Variants in CELF2 observed in about 807,000 individuals in gnomAD.
CELF2 encodes the protein CUGBP Elav-like family member 2, also known as CUG triplet repeat RNA-binding protein 2.
In CELF2, 8 loss-of-function variants were observed where a neutral mutation model predicts 62.6. That is an observed-to-expected ratio of 0.13 (90% CI 0.07 to 0.23). CELF2 has a LOEUF of 0.23. Ranked by LOEUF, CELF2 falls within the 10% of genes least tolerant of loss-of-function variation. The probability of loss-of-function intolerance (pLI) is 1.00; values close to 1 mark genes in which losing one functional copy is unlikely to be tolerated. For missense variants in CELF2, 333 were observed against 671.0 expected, an observed-to-expected ratio of 0.50 and a Z score of 5.56; for synonymous variants, 258 against 250.0, an observed-to-expected ratio of 1.03 and a Z score of -0.30.
chr10:10,549,999 C>A, the CELF2 span, among the ~76,000 whole-genome samples: 1 of 152,108 alleles, frequency 6.6e-6, no homozygotes, highest in African/African-American at 2.4e-5. Flanking sequence ...CACATTTGAC[C>A]TTTGAACAGT....
chr10:10,910,439 A>T (rs1253530789), intron 1 of CELF2, among the ~76,000 whole-genome samples: 1 of 152,190 alleles, frequency 6.6e-6, no homozygotes, highest in African/African-American at 2.4e-5. Flanking sequence ...TCATGCCTGT[A>T]ATCCCAACAC....
chr10:10,846,139 G>T (rs939103927), intron 1 of CELF2: 1 of 984,494 alleles, frequency 1.0e-6, no homozygotes, highest in Non-Finnish European at 1.2e-6. Flanking sequence ...ACGATATTTG[G>T]GAACCTCGCT....
intron 1 of CELF2, among the ~76,000 whole-genome samples, chr10:10,838,453 G>T (rs1447979384): frequency 6.6e-6 from 1 of 152,170 alleles, no homozygotes; most frequent in Non-Finnish European, 1.5e-5. Context: ...AAGGAGTGGG[G>T]AATTATGCTT....
At chr10:10,524,597 G>A in the CELF2 span, among the ~76,000 whole-genome samples, 1 of 151,940 alleles carries the variant, frequency 6.6e-6, no homozygotes, top group African/African-American at 2.4e-5. Context: ...AAATAAAAAT[G>A]TAGAAGATAG....
intron 1 of CELF2, chr10:11,105,426 A>G (rs1439630121): frequency 6.6e-6 from 1 of 152,196 alleles, no homozygotes; most frequent in Non-Finnish European, 1.5e-5. Flanking sequence ...CATAGAACAG[A>G]TCCTGAAGCA....
chr10:10,942,926 A>G (rs1222900796), intron 2 of CELF2, among the ~76,000 whole-genome samples: 1 of 152,214 alleles, frequency 6.6e-6, no homozygotes, highest in African/African-American at 2.4e-5. Flanking sequence ...CAACAGTCCC[A>G]TTGTGGCCAA....
chr10:11,184,520 C>G (rs1342043506), intron 2 of CELF2, among the ~76,000 whole-genome samples: 1 of 152,188 alleles, frequency 6.6e-6, no homozygotes, highest in Non-Finnish European at 1.5e-5. Context: ...ATTGAGTCTT[C>G]AAAACCATGA....
At chr10:10,548,853 A>G in the CELF2 span, among the ~76,000 whole-genome samples, 4 of 152,198 alleles carry the variant, frequency 2.6e-5, no homozygotes, top group African/African-American at 9.7e-5. Flanking sequence ...ATGTGTGGCT[A>G]GCTCCTCTTG....
the CELF2 span, among the ~76,000 whole-genome samples, chr10:10,510,451 T>G: frequency 6.6e-6 from 1 of 152,214 alleles, no homozygotes; most frequent in Non-Finnish European, 1.5e-5. Context: ...TGGCATAAAA[T>G]AGCAATATCT....
intron 3 of CELF2, among the ~76,000 whole-genome samples, chr10:11,239,246 G>A (rs923233786): frequency 2.0e-5 from 3 of 151,874 alleles, no homozygotes; most frequent in Admixed American, 6.6e-5. Context: ...TTTGGTGTAC[G>A]ACGTGATTTT....
chr10:10,953,086 C>T (rs574643849), intron 2 of CELF2, among the ~76,000 whole-genome samples: 70 of 152,310 alleles, frequency 4.6e-4, no homozygotes, highest in Middle Eastern at 3.4e-3. Flanking sequence ...TGGTTACTCT[C>T]GTTCTGTCCT....
chr10:10,970,020 A>G (rs1490574790), intron 2 of CELF2, among the ~76,000 whole-genome samples: 4 of 152,140 alleles, frequency 2.6e-5, no homozygotes, highest in Non-Finnish European at 5.9e-5. Flanking sequence ...AATAACTACA[A>G]TGACATCTTT....
chr10:11,289,549 G>A (rs1009139103), intron 9 of CELF2, among the ~76,000 whole-genome samples: 9 of 152,198 alleles, frequency 5.9e-5, no homozygotes, highest in African/African-American at 2.2e-4. Context: ...GTGTATCTAA[G>A]ACATTTCACC....
intron 8 of CELF2, among the ~76,000 whole-genome samples, chr10:11,276,193 G>T (rs553005318): frequency 9.9e-5 from 15 of 151,782 alleles, no homozygotes; most frequent in Non-Finnish European, 2.1e-4. Flanking sequence ...ACTTTCCAGG[G>T]GGCTTCTCCC....
chr10:10,857,653 A>ATATATATATATATATATATATATATATAG (rs2059810996), intron 1 of CELF2, among the ~76,000 whole-genome samples: 3 of 108,604 alleles, frequency 2.8e-5, no homozygotes, highest in Non-Finnish European at 5.5e-5. Flanking sequence ...TATATAGTAT[A>ATATATATATATATATATATATATATATAG]TATATATATA....
At chr10:10,600,981 G>A in the CELF2 span, among the ~76,000 whole-genome samples, 1 of 152,194 alleles carries the variant, frequency 6.6e-6, no homozygotes, top group Non-Finnish European at 1.5e-5. Flanking sequence ...CAGAAAGTCC[G>A]ACTCCAGGGT....
At chr10:10,876,917 A>G (rs2061135040) in intron 1 of CELF2, among the ~76,000 whole-genome samples, 1 of 152,244 alleles carries the variant, frequency 6.6e-6, no homozygotes, top group Non-Finnish European at 1.5e-5. Flanking sequence ...GGTTGCATGT[A>G]TGTAGGATGG....
intron 2 of CELF2, among the ~76,000 whole-genome samples, chr10:10,988,908 C>G (rs1042132029): frequency 6.6e-6 from 1 of 151,550 alleles, no homozygotes; most frequent in South Asian, 2.1e-4. Context: ...CACTAAAGAT[C>G]GAAATTTTGT....
the CELF2 span, among the ~76,000 whole-genome samples, chr10:10,521,953 G>A: frequency 3.3e-5 from 5 of 152,102 alleles, no homozygotes; most frequent in East Asian, 1.9e-4. Context: ...TGGGGGTAAC[G>A]GGGCTCTGCT....
Sources: allele counts gnomAD v4.1 joint callset (sites outside exome capture counted in the v4.1 genomes callset), GRCh38; gene constraint gnomAD v4.1.1; transcripts MANE v1.5; gene names NCBI Gene and HGNC (gene_info 2026-07-23, HGNC 2026-07-21).